Variants in INSL6 observed in about 807,000 individuals in gnomAD.
INSL6 encodes insulin like 6, also known as insulin-like peptide INSL6.
In INSL6, 16 loss-of-function variants were observed where a neutral mutation model predicts 9.4. The ratio of observed to expected loss-of-function variants is 1.70; its 90% confidence interval spans 1.15 to 2.59. The LOEUF is 2.59. Ranked by LOEUF, INSL6 falls within the 30% of genes most tolerant of loss-of-function variation. INSL6 has a pLI of 0.00. For missense variants in INSL6, 391 were observed against 257.3 expected (o/e 1.52, Z -3.56); for synonymous variants, 154 against 96.9 (o/e 1.59, Z -3.46).
At chr9:5,111,393 C>A in the INSL6 span, 2 of 403,130 alleles carry the variant, frequency 5.0e-6, no homozygotes. Context: ...CGGACAGAGG[C>A]GGACAGCGGC....
At chr9:5,163,485 G>A (rs765739704), downstream of INSL6, among the ~76,000 whole-genome samples, 6 of 152,186 alleles carry the variant, frequency 3.9e-5, no homozygotes, top group Non-Finnish European at 7.3e-5. Flanking sequence ...TACCAGGAAT[G>A]GTAGTTGATT....
chr9:5,004,569 G>C, the INSL6 span, among the ~76,000 whole-genome samples: 1 of 151,912 alleles, frequency 6.6e-6, no homozygotes, highest in Non-Finnish European at 1.5e-5. Context: ...CTTTATCTTG[G>C]CTATTAAGAA....
chr9:5,052,015 G>C, the INSL6 span, among the ~76,000 whole-genome samples: 1 of 152,034 alleles, frequency 6.6e-6, no homozygotes, highest in South Asian at 2.1e-4. Context: ...TTGAATACTT[G>C]CTGTATGCCA....
chr9:5,089,990 G>A, the INSL6 span: 7 of 509,674 alleles, frequency 1.4e-5, no homozygotes, highest in Non-Finnish European at 2.2e-5. Context: ...ATTCTATAAT[G>A]ACTAGAGATT....
chr9:5,021,852 C>T, the INSL6 span: 1 of 623,322 alleles, frequency 1.6e-6, no homozygotes, highest in African/African-American at 1.8e-5. Flanking sequence ...AGGCTTGTCT[C>T]CAACTTCTGG....
chr9:5,161,491 G>A (rs960368516), downstream of INSL6, among the ~76,000 whole-genome samples: 1 of 152,054 alleles, frequency 6.6e-6, no homozygotes, highest in Non-Finnish European at 1.5e-5. Flanking sequence ...TAGGAAATAG[G>A]GAAAAACTGA....
downstream of INSL6, among the ~76,000 whole-genome samples, chr9:5,120,191 T>C (rs559253860): frequency 6.6e-6 from 1 of 152,318 alleles, no homozygotes; most frequent in Admixed American, 6.5e-5. Flanking sequence ...TGTCCTCACA[T>C]GGACAAAAGT....
chr9:5,101,774 C>G, the INSL6 span, among the ~76,000 whole-genome samples: 2 of 152,178 alleles, frequency 1.3e-5, no homozygotes, highest in African/African-American at 4.8e-5. Context: ...TGGAGTGGAC[C>G]TCCAGCAAAC....
At chr9:5,023,634 C>G in the INSL6 span, among the ~76,000 whole-genome samples, 2 of 152,188 alleles carry the variant, frequency 1.3e-5, no homozygotes, top group African/African-American at 2.4e-5. Context: ...GGAGTCTCTC[C>G]TAGCTTCTTG....
the INSL6 span, chr9:5,078,347 T>C: frequency 4.3e-6 from 7 of 1,612,604 alleles, no homozygotes; most frequent in East Asian, 1.1e-4. Context: ...GTGCCAAAAA[T>C]ATTCTGCTTA....
At chr9:5,111,661 C>G in the INSL6 span, 1 of 404,064 alleles carries the variant, frequency 2.5e-6, no homozygotes, top group Non-Finnish European at 4.8e-6. Flanking sequence ...CCCTCCCGCC[C>G]AGCAGCGGCC....
At position 5,165,703 on chromosome 9, in the gene INSL6, C is replaced by A. The variant is rs146842709; in HGVS notation, c.290-1438G>T. Reference sequence around the variant, plus strand: ...AGAAATAGAGAAGTGGTAATATGCTCTAGGTACAATGAACTGATTGTCACT... The same window carrying A: ...AGAAATAGAGAAGTGGTAATATGCTATAGGTACAATGAACTGATTGTCACT... On this transcript the variant is annotated intron_variant, in intron 1 of 1. Transcript: ENST00000381641. Among the ~76,000 whole-genome samples the A allele has an allele frequency of 1.1e-3, 163 of 152,232 alleles. 2 individuals carry two copies. The East Asian group carries it at 0.012, about 11-fold the overall frequency.
chr9:5,046,012 C>G, the INSL6 span, among the ~76,000 whole-genome samples: 3 of 152,130 alleles, frequency 2.0e-5, no homozygotes, highest in East Asian at 3.8e-4. Context: ...CAGCAGTGCA[C>G]AAGTGTTCCA....
chr9:5,075,540 C>T, the INSL6 span, among the ~76,000 whole-genome samples: 1 of 152,112 alleles, frequency 6.6e-6, no homozygotes, highest in Non-Finnish European at 1.5e-5. Context: ...AACAAGAAAG[C>T]CTAGATGACA....
At chr9:5,092,594 C>T in the INSL6 span, among the ~76,000 whole-genome samples, 26 of 152,088 alleles carry the variant, frequency 1.7e-4, no homozygotes, top group Admixed American at 1.0e-3. Context: ...GATACAGTAC[C>T]GTAAGGGAAA....
intron 2 of INSL6, among the ~76,000 whole-genome samples, chr9:5,155,202 A>G (rs1471937653): frequency 1.3e-5 from 2 of 151,896 alleles, no homozygotes; most frequent in Non-Finnish European, 2.9e-5. Context: ...GGAAACCATC[A>G]TTCTCAGCAA....
the INSL6 span, among the ~76,000 whole-genome samples, chr9:5,036,670 T>C: frequency 1.3e-5 from 2 of 152,204 alleles, no homozygotes; most frequent in African/African-American, 4.8e-5. Context: ...TGTAGAAAGC[T>C]GAAACTGGAT....
At chr9:5,104,555 T>C in the INSL6 span, among the ~76,000 whole-genome samples, 1 of 152,212 alleles carries the variant, frequency 6.6e-6, no homozygotes, top group South Asian at 2.1e-4. Flanking sequence ...CCCTAACTCA[T>C]TTTATGAGGC....
chr9:5,036,570 C>T, the INSL6 span, among the ~76,000 whole-genome samples: 2 of 152,168 alleles, frequency 1.3e-5, no homozygotes, highest in Non-Finnish European at 2.9e-5. Flanking sequence ...TATCTACAAC[C>T]ATCTGATCTT....
Sources: gnomAD v4.1 joint callset for allele counts (sites outside exome capture counted in the v4.1 genomes callset) on GRCh38, gnomAD v4.1.1 for gene constraint, MANE v1.5 for transcripts, NCBI Gene and HGNC (gene_info 2026-07-23, HGNC 2026-07-21) for gene names.